The following TPO variants were observed in gnomAD, a reference collection of about 807,000 sequenced individuals.
TPO encodes the protein thyroid microsomal antigen.
Under a neutral mutation model 96.9 loss-of-function variants are expected in TPO, and 78 were observed. The ratio of observed to expected loss-of-function variants is 0.81; its 90% confidence interval spans 0.67 to 0.97. TPO has a LOEUF of 0.97. TPO is among the 50% of genes least tolerant of loss of function. The pLI is 0.00. For synonymous variants in TPO, 547 were observed against 538.0 expected (o/e 1.02, Z -0.23); for missense variants, 1,252 against 1,274.8 (o/e 0.98, Z 0.27).
rs186831664 is a variant in TPO, at chr2:1,492,177, G to A, written c.1769-1625G>A. Among the ~76,000 whole-genome samples the A allele has an allele frequency of 1.0e-3, 154 of 151,848 alleles. 2 individuals are homozygous for A. The highest frequency in any genetic ancestry group is 3.4e-3 in the African/African-American group (141 of 41,398). On this transcript the variant is annotated intron_variant, in intron 10 of 16. Coordinates refer to ENST00000329066, the MANE Select transcript of TPO (RefSeq NM_001206744.2). ...TTTTTGTTTTTTGTTTTTTTGAGACGAAGTCTCACTCTTGTCACCCAGGCT... is the reference window on the plus strand; with the variant it reads ...TTTTTGTTTTTTGTTTTTTTGAGACAAAGTCTCACTCTTGTCACCCAGGCT...
At chr2:1,423,211 T>G in intron 3 of TPO, 82 bp downstream of exon 3, 1 of 1,349,764 alleles carries the variant, frequency 7.4e-7, no homozygotes, top group Non-Finnish European at 1.0e-6. Flanking sequence ...GTGGCCTGAT[T>G]TTCGCAATTG....
At chr2:1,540,918 A>G (rs1267529579) in intron 16 of TPO, 195 bp downstream of exon 16, 2 of 1,538,326 alleles carry the variant, frequency 1.3e-6, no homozygotes, top group South Asian at 2.4e-5. Flanking sequence ...CTGCTTAGTG[A>G]GAGGAATGAA....
At chr2:1,400,301 T>A (rs1192516035) in intron 1 of TPO, among the ~76,000 whole-genome samples, 4 of 152,154 alleles carry the variant, frequency 2.6e-5, no homozygotes, top group African/African-American at 9.7e-5. Flanking sequence ...GAGACCAGCC[T>A]GGCCAACATG....
chr2:1,505,377 C>T, intron 14 of TPO, among the ~76,000 whole-genome samples: 1 of 130,636 alleles, frequency 7.7e-6, no homozygotes, highest in African/African-American at 2.9e-5. Context: ...CCGTGTCAGG[C>T]ACACCCCACC....
chr2:1,481,193 G>T (rs1670606698), intron 8 of TPO, among the ~76,000 whole-genome samples: 2 of 150,160 alleles, frequency 1.3e-5, no homozygotes, highest in Admixed American at 1.3e-4. Context: ...CTTTAGGTGT[G>T]TCATAAGACA....
At chr2:1,405,554 C>T (rs1662238448) in intron 1 of TPO, among the ~76,000 whole-genome samples, 2 of 151,950 alleles carry the variant, frequency 1.3e-5, no homozygotes, top group South Asian at 4.2e-4. Context: ...TCAGAACCCA[C>T]CCCACTCTCC....
Position 1,453,695 on chromosome 2 carries a change from G to A in TPO, c.484G>A (p.Asp162Asn), listed in dbSNP as rs1271191300. 2 of 1,613,894 alleles carry A rather than the reference G, an allele frequency of 1.2e-6. No individual in the cohort carries two copies. The highest frequency in any genetic ancestry group is 2.2e-5 in the South Asian group (2 of 91,082). ...ACATCCTTGCATTTGTCTCCACAGA[G>A]ACCACCCCAGATGGGGCGCCTCCAA... ...RPITGACNNR[D>N]HPRWGASNTA... The change falls in exon 6 of 17, where the codon GAC (aspartate) becomes AAC (asparagine). Residue 162 changes from aspartate (D) to asparagine (N), a missense_variant and splice_region_variant. By Grantham distance (23) the Asp-to-Asn change is conservative. Coordinates refer to ENST00000329066, the MANE Select transcript of TPO (RefSeq NM_001206744.2).
intron 15 of TPO, among the ~76,000 whole-genome samples, chr2:1,527,147 TCCCCCCACTCTGTGCAA>T: frequency 2.3e-5 from 1 of 42,782 alleles, no homozygotes; most frequent in African/African-American, 1.0e-4. Context: ...CCTCCTCAAA[TCCCCCCACTCTGTGCAA>T]CCTCCCCTAT....
At chr2:1,478,908 C>T (rs924236161) in intron 8 of TPO, among the ~76,000 whole-genome samples, 6 of 152,146 alleles carry the variant, frequency 3.9e-5, no homozygotes, top group Non-Finnish European at 8.8e-5. Flanking sequence ...ACAGCAAACA[C>T]GGCAGACGAG....
At chr2:1,451,639 T>C (rs1667309071) in intron 5 of TPO, among the ~76,000 whole-genome samples, 1 of 152,206 alleles carries the variant, frequency 6.6e-6, no homozygotes, top group South Asian at 2.1e-4. Context: ...TTGTGTTGCA[T>C]GACTCTGCAG....
At chr2:1,472,793 GTTTTTTTCTCA>G (rs1669546059) in intron 7 of TPO, among the ~76,000 whole-genome samples, 1 of 52,888 alleles carries the variant, frequency 1.9e-5, no homozygotes, top group African/African-American at 8.0e-5. Context: ...CAACAGCCTT[GTTTTTTTCTCA>G]TTTTTTTCTG....
Position 1,380,169 on chromosome 2 carries a change from C to T in TPO, n.180+5767C>T, listed in dbSNP as rs187669469. Among the ~76,000 whole-genome samples the T allele has an allele frequency of 2.8e-3, 426 of 152,004 alleles. 1 individual carries two copies. The highest frequency in any genetic ancestry group is 0.018 in the East Asian group (91 of 5,156). On this transcript the variant is annotated intron_variant and non_coding_transcript_variant, in intron 1 of 5. Coordinates refer to the TPO transcript ENST00000497517. ...CAGCACTTTGGGAGGCCGAGGTGGGCGGATCATGAGGTCAGGAGATCAAGA... is the reference window on the plus strand; with the variant it reads ...CAGCACTTTGGGAGGCCGAGGTGGGTGGATCATGAGGTCAGGAGATCAAGA...
At chr2:1,432,298 A>G (rs1315133189) in intron 3 of TPO, among the ~76,000 whole-genome samples, 1 of 152,170 alleles carries the variant, frequency 6.6e-6, no homozygotes, top group East Asian at 1.9e-4. Context: ...GCTCTGATCC[A>G]CCCAGGTGTT....
chr2:1,489,679 TG>T (rs1671530702), intron 10 of TPO, among the ~76,000 whole-genome samples: 2 of 152,020 alleles, frequency 1.3e-5, no homozygotes, highest in African/African-American at 4.8e-5. Context: ...AATGAATGAA[TG>T]AATGTTTGGG....
chr2:1,543,546 G>C lies in TPO; in HGVS notation c.*1072G>C, dbSNP rs1379149518. On this transcript the variant is annotated 3_prime_UTR_variant, in exon 17 of 17. Coordinates refer to ENST00000329066, the MANE Select transcript of TPO (RefSeq NM_001206744.2). Reference sequence around the variant, plus strand: ...GCATGGTTTGCTTTTTATAACTTTTGTGACCCAAAAATACCAGACTGTTGT... The same window carrying C: ...GCATGGTTTGCTTTTTATAACTTTTCTGACCCAAAAATACCAGACTGTTGT... 6.6e-6 allele frequency: 1 copy of C among 152,104 alleles called. No homozygotes were observed. The highest frequency in any genetic ancestry group is 1.5e-5 in the Non-Finnish European group (1 of 68,028). 9.4% of individuals were successfully genotyped at this position (152,104 alleles called of 1,614,324 possible).
chr2:1,447,985 T>C (rs1468799084), intron 5 of TPO, among the ~76,000 whole-genome samples: 1 of 152,176 alleles, frequency 6.6e-6, no homozygotes, highest in African/African-American at 2.4e-5. Context: ...GAACACCTTG[T>C]TGGGGCAGCT....
intron 15 of TPO, among the ~76,000 whole-genome samples, chr2:1,532,960 C>G (rs1383777210): frequency 8.4e-6 from 1 of 119,710 alleles, no homozygotes; most frequent in African/African-American, 3.6e-5. Flanking sequence ...TCAAATCCCC[C>G]CACTGTGTCC....
chr2:1,533,200 CCCA>C, intron 15 of TPO, among the ~76,000 whole-genome samples: 1 of 2,828 alleles, frequency 3.5e-4, no homozygotes, highest in African/African-American at 1.5e-3. Context: ...GTGCAATCTC[CCCA>C]TATCCCCCCA....
chr2:1,376,913 A>G (rs111783209), intron 1 of TPO, among the ~76,000 whole-genome samples: 21 of 152,220 alleles, frequency 1.4e-4, no homozygotes, highest in Non-Finnish European at 2.9e-5. Context: ...CAGGATAACA[A>G]TGATATTAAA....
Sources: gnomAD v4.1 joint callset for allele counts (sites outside exome capture counted in the v4.1 genomes callset) on GRCh38, gnomAD v4.1.1 for gene constraint, MANE v1.5 for transcripts, NCBI Gene and HGNC (gene_info 2026-07-23, HGNC 2026-07-21) for gene names.